The following MYO18B variants were observed in gnomAD, a reference collection of about 807,000 sequenced individuals.
MYO18B encodes unconventional myosin-XVIIIb.
In MYO18B, 204 loss-of-function variants were observed where a neutral mutation model predicts 273.0. That is an observed-to-expected ratio of 0.75 (90% CI 0.67 to 0.84). MYO18B has a LOEUF of 0.84. MYO18B is among the 40% of genes least tolerant of loss of function. The pLI, the probability that MYO18B is intolerant of heterozygous loss-of-function variation, is 0.00. For synonymous variants in MYO18B, 1,330 were observed against 1,305.7 expected (o/e 1.02, Z -0.40); for missense variants, 3,212 against 3,287.6 (o/e 0.98, Z 0.56).
intron 41 of MYO18B, among the ~76,000 whole-genome samples, chr22:26,004,184 C>G (rs1934226668): frequency 1.3e-5 from 2 of 151,988 alleles, no homozygotes; most frequent in South Asian, 4.2e-4. Flanking sequence ...ATGAGTATAT[C>G]AACTTACGTG....
chr22:25,777,906 C>A, intron 8 of MYO18B, 125 bp downstream of exon 8: 1 of 911,248 alleles, frequency 1.1e-6, no homozygotes, highest in East Asian at 2.9e-5. Context: ...TGTGCAGACC[C>A]CATGCTTGCT....
chr22:25,999,149 G>A (rs1368400908), intron 40 of MYO18B, among the ~76,000 whole-genome samples: 1 of 152,142 alleles, frequency 6.6e-6, no homozygotes, highest in Non-Finnish European at 1.5e-5. Flanking sequence ...AGTCAAGAAA[G>A]TTGCCCCAAT....
chr22:25,790,885 C>T (rs1282696103), intron 11 of MYO18B, among the ~76,000 whole-genome samples: 2 of 152,136 alleles, frequency 1.3e-5, no homozygotes, highest in Non-Finnish European at 2.9e-5. Flanking sequence ...GGGGTCCCAT[C>T]CCTCAGTCAT....
At chr22:25,904,693 CTTAT>C (rs2092005256) in intron 31 of MYO18B, among the ~76,000 whole-genome samples, 1 of 152,116 alleles carries the variant, frequency 6.6e-6, no homozygotes, top group South Asian at 2.1e-4. Context: ...TATGTACTTA[CTTAT>C]TTACCTCATT....
intron 25 of MYO18B, among the ~76,000 whole-genome samples, chr22:25,880,704 C>T (rs1320201208): frequency 6.6e-6 from 1 of 152,232 alleles, no homozygotes; most frequent in Non-Finnish European, 1.5e-5. Context: ...TACACAAGGT[C>T]TCCAGGCCGA....
downstream of MYO18B, among the ~76,000 whole-genome samples, chr22:26,034,729 C>T (rs4822685): frequency 0.046 from 6,988 of 152,210 alleles, 209 homozygotes; most frequent in Admixed American, 0.084. Flanking sequence ...TTTAACAGGG[C>T]GCCCATGTCT....
chr22:26,015,376 A>G (rs1254723049), intron 42 of MYO18B, among the ~76,000 whole-genome samples: 1 of 152,256 alleles, frequency 6.6e-6, no homozygotes, highest in Admixed American at 6.5e-5. Context: ...CACCATTCAC[A>G]ATAGCAAAGA....
chr22:25,882,700 A>G (rs528954373), intron 25 of MYO18B, among the ~76,000 whole-genome samples: 3 of 152,268 alleles, frequency 2.0e-5, no homozygotes, highest in African/African-American at 2.4e-5. Context: ...ATCTTCCCCA[A>G]CTTCCAGTGC....
intron 39 of MYO18B, among the ~76,000 whole-genome samples, chr22:25,989,615 T>C (rs2093239186): frequency 1.3e-5 from 1 of 76,250 alleles, no homozygotes; most frequent in Admixed American, 2.1e-4. Flanking sequence ...ACCCTGTCTC[T>C]ACTAAAAATA....
At chr22:26,026,345 A>C (rs550608832) in intron 42 of MYO18B, 100 bp from the exon 43 acceptor site, 1 of 1,372,350 alleles carries the variant, frequency 7.3e-7, no homozygotes, top group Admixed American at 2.3e-5. Flanking sequence ...TTTCCAAAGA[A>C]AAATAATATT....
chr22:26,035,025 C>A (rs4822686), downstream of MYO18B, among the ~76,000 whole-genome samples: 28,905 of 152,018 alleles, frequency 0.19, 3,773 homozygotes, highest in African/African-American at 0.37. Context: ...ATACATTGGC[C>A]ATGTCCCTAC....
chr22:26,056,891 C>A, the MYO18B span, among the ~76,000 whole-genome samples: 1 of 152,178 alleles, frequency 6.6e-6, no homozygotes, highest in African/African-American at 2.4e-5. Context: ...AACGTGCCTG[C>A]CTTTTCCTAA....
intron 17 of MYO18B, among the ~76,000 whole-genome samples, chr22:25,841,361 A>G (rs140712240): frequency 6.6e-6 from 1 of 152,274 alleles, no homozygotes; most frequent in African/African-American, 2.4e-5. Context: ...TTTCATGGAC[A>G]AAATTGTGGA....
chr22:25,921,849 TGTG>T (rs2092352323), intron 34 of MYO18B, among the ~76,000 whole-genome samples: 2 of 141,538 alleles, frequency 1.4e-5, no homozygotes, highest in African/African-American at 5.2e-5. Context: ...TGTGTGTGTG[TGTG>T]TGTGGTGACT....
chr22:25,855,696 G>T (rs695350), intron 21 of MYO18B, among the ~76,000 whole-genome samples: 118,047 of 152,060 alleles, frequency 0.78, 46,125 homozygotes, highest in East Asian at 1. Context: ...TATTGCAAAT[G>T]GTGCTGCAGT....
Position 25,847,610 on chromosome 22 carries a change from G to A in MYO18B, c.3733G>A (p.Ala1245Thr). ...LDIPALRVQL[A>T]GFHILEALRL... ...TATCCCAGCACTGAGGGTCCAGCTT[G>A]CTGGGTTCCACATCCTGGAGGCTCT... The change falls in exon 20 of 44, where the codon GCT becomes ACT. Residue 1245 changes from alanine (A) to threonine (T), a missense_variant. Physicochemically the swap from Ala to Thr is moderately conservative, Grantham distance 58. Transcript: ENST00000335473. The A allele has an allele frequency of 1.3e-6, 2 of 1,563,998 alleles. No homozygotes were observed. The highest frequency in any genetic ancestry group is 8.7e-7 in the Non-Finnish European group (1 of 1,154,382).
chr22:25,789,553 TG>T (rs1601700213), intron 11 of MYO18B, among the ~76,000 whole-genome samples: 1 of 150,274 alleles, frequency 6.7e-6, no homozygotes, highest in East Asian at 2.0e-4. Flanking sequence ...GGAGAATCAC[TG>T]GGACCTGGGA....
At chr22:25,905,013 T>C (rs926048422) in intron 31 of MYO18B, among the ~76,000 whole-genome samples, 1 of 152,132 alleles carries the variant, frequency 6.6e-6, no homozygotes, top group Admixed American at 6.5e-5. Context: ...GAATTTCTCT[T>C]GTGGGATTTT....
At chr22:25,931,681 C>CTTTTTTTTTTTTTTTTTTTTTT (rs71311530) in intron 34 of MYO18B, among the ~76,000 whole-genome samples, 7 of 123,530 alleles carry the variant, frequency 5.7e-5, no homozygotes, top group Non-Finnish European at 1.0e-4. Context: ...TTTCTTTTTT[C>CTTTTTTTTTTTTTTTTTTTTTT]TTTTTTTTTT....
Sources: allele counts gnomAD v4.1 joint callset (sites outside exome capture counted in the v4.1 genomes callset), GRCh38; gene constraint gnomAD v4.1.1; transcripts MANE v1.5; gene names NCBI Gene and HGNC (gene_info 2026-07-23, HGNC 2026-07-21).